Variants in RTN4 observed in about 807,000 individuals in gnomAD.
RTN4 encodes the protein reticulon-4.
RTN4 carries 32 observed loss-of-function variants against 90.4 expected under a neutral mutation model. The ratio of observed to expected loss-of-function variants is 0.35; its 90% CI spans 0.27 to 0.48. RTN4 has a LOEUF of 0.48. RTN4 is among the 20% of genes least tolerant of loss of function. The pLI is 0.99. For synonymous variants in RTN4, 629 were observed against 552.5 expected (o/e 1.14, Z -1.94); for missense variants, 1,706 against 1,430.2 (o/e 1.19, Z -3.11).
intron 1 of RTN4, among the ~76,000 whole-genome samples, chr2:55,048,368 C>T (rs1205667137): frequency 6.6e-6 from 1 of 152,156 alleles, no homozygotes; most frequent in African/African-American, 2.4e-5. Context: ...AATAAATCAA[C>T]CTTAGCTTAC....
At position 55,031,123 on chromosome 2, in the gene RTN4, A is replaced by G. The variant is rs556563037; in HGVS notation, c.557-2903T>C. Among the ~76,000 whole-genome samples the G allele has an allele frequency of 1.3e-3, 201 of 152,344 alleles. 2 individuals carry two copies. In the Middle Eastern group the frequency reaches 0.017, roughly 13 times the overall value. ...TACAAAAAACCTGCATTTTAAAACC[A>G]TAGAACTTCTGCTTCTGGCTATGAG... On this transcript the variant is annotated intron_variant, in intron 1 of 8. Coordinates refer to ENST00000337526, the MANE Select transcript of RTN4 (RefSeq NM_020532.5).
chr2:54,998,820 T>G (rs1440156755), intron 3 of RTN4, among the ~76,000 whole-genome samples: 3 of 152,188 alleles, frequency 2.0e-5, no homozygotes, highest in African/African-American at 7.2e-5. Flanking sequence ...CAGTAATCAC[T>G]TTAGTGGTTC....
At chr2:54,996,117 T>C (rs1019144732) in intron 3 of RTN4, among the ~76,000 whole-genome samples, 3 of 151,994 alleles carry the variant, frequency 2.0e-5, no homozygotes, top group Non-Finnish European at 4.4e-5. Context: ...TGTAATAGCA[T>C]AGAAAAAATA....
In RTN4 at chr2:55,057,674, G is replaced by A. The variant is rs151173173; in HGVS notation, c.-63+22815C>T. ...ATGTGAAGAATGCGTTTGAGAAAGC[G>A]AAAAGAGGATGGGTACTAAGAGTAG... On this transcript the variant is annotated intron_variant, in intron 2 of 3. Transcript: ENST00000427710. Among the ~76,000 whole-genome samples, 173 of 152,264 alleles carry A rather than the reference G, an allele frequency of 1.1e-3. 2 individuals carry two copies. The highest frequency in any genetic ancestry group is 3.7e-3 in the African/African-American group (154 of 41,544).
At chr2:54,985,134 GATA>G (rs1205951248) in intron 4 of RTN4, among the ~76,000 whole-genome samples, 1 of 127,208 alleles carries the variant, frequency 7.9e-6, no homozygotes, top group Admixed American at 8.1e-5. Context: ...TTTGTGGCTT[GATA>G]ATAATATGAC....
At chr2:55,114,857 T>G (rs140568103), upstream of RTN4, among the ~76,000 whole-genome samples, 8 of 152,024 alleles carry the variant, frequency 5.3e-5, no homozygotes, top group Non-Finnish European at 1.2e-4. Context: ...CCACCCCCAT[T>G]CATCTCCCCT....
intron 2 of RTN4, among the ~76,000 whole-genome samples, chr2:55,068,388 T>C (rs896767286): frequency 2.0e-5 from 3 of 152,186 alleles, no homozygotes; most frequent in African/African-American, 7.2e-5. Context: ...CCTTAGATGA[T>C]ATTTTAAAAT....
intron 7 of RTN4, 27 bp downstream of exon 7, chr2:54,973,794 G>C: frequency 6.2e-7 from 1 of 1,604,752 alleles, no homozygotes; most frequent in Non-Finnish European, 8.5e-7. Context: ...GCTCTATTCT[G>C]AAGTCAGCAG....
intron 3 of RTN4, among the ~76,000 whole-genome samples, chr2:54,993,154 A>C (rs1262566020): frequency 6.6e-6 from 1 of 151,386 alleles, no homozygotes; most frequent in Non-Finnish European, 1.5e-5. Flanking sequence ...CAGTGTTTTT[A>C]TCTCTGCATA....
intron 1 of RTN4, among the ~76,000 whole-genome samples, chr2:55,094,248 G>A (rs1440460026): frequency 1.3e-5 from 2 of 152,192 alleles, no homozygotes; most frequent in South Asian, 4.1e-4. Flanking sequence ...GAAGGCAGCT[G>A]TCTGCAAGCC....
At chr2:55,129,937 G>C in the RTN4 span, among the ~76,000 whole-genome samples, 1 of 152,172 alleles carries the variant, frequency 6.6e-6, no homozygotes, top group Non-Finnish European at 1.5e-5. Flanking sequence ...GAAGTTAGGA[G>C]GACAATTAGG....
At chr2:55,055,229 G>C (rs958261504), upstream of RTN4, among the ~76,000 whole-genome samples, 5 of 151,284 alleles carry the variant, frequency 3.3e-5, no homozygotes, top group African/African-American at 9.7e-5. Context: ...AGTTAATTTT[G>C]ATCTACTAGT....
intron 1 of RTN4, among the ~76,000 whole-genome samples, chr2:55,112,150 A>C (rs571800755): frequency 6.6e-6 from 1 of 152,186 alleles, no homozygotes; most frequent in African/African-American, 2.4e-5. Flanking sequence ...GTTCAGGACT[A>C]TATGAGGCCT....
At chr2:55,093,638 C>G (rs1261484889) in intron 1 of RTN4, among the ~76,000 whole-genome samples, 1 of 152,038 alleles carries the variant, frequency 6.6e-6, no homozygotes, top group Non-Finnish European at 1.5e-5. Flanking sequence ...AACACCTCTC[C>G]CTCCACGAGG....
chr2:55,111,518 T>C (rs1382222000), intron 1 of RTN4, among the ~76,000 whole-genome samples: 1 of 152,170 alleles, frequency 6.6e-6, no homozygotes, highest in Non-Finnish European at 1.5e-5. Flanking sequence ...ACCTAGCTAG[T>C]GTTTGTGGGA....
chr2:55,073,428 G>A (rs910679924), intron 2 of RTN4, among the ~76,000 whole-genome samples: 2 of 152,200 alleles, frequency 1.3e-5, no homozygotes, highest in African/African-American at 4.8e-5. Flanking sequence ...AACGGTAGCA[G>A]TAATTCAATT....
At chr2:55,051,256 TGG>T (rs2104989808), upstream of RTN4, among the ~76,000 whole-genome samples, 1 of 152,152 alleles carries the variant, frequency 6.6e-6, no homozygotes, top group South Asian at 2.1e-4. Flanking sequence ...GACTCTTACA[TGG>T]TAAGAGAGTG....
chr2:55,126,423 G>A, the RTN4 span, among the ~76,000 whole-genome samples: 144,080 of 152,206 alleles, frequency 0.95, 68,305 homozygotes, highest in African/African-American at 0.98. Context: ...ATATGGAAAA[G>A]AAAGCTCAAT....
At chr2:55,065,046 GC>G (rs1337396073) in intron 2 of RTN4, among the ~76,000 whole-genome samples, 2 of 152,162 alleles carry the variant, frequency 1.3e-5, no homozygotes, top group Non-Finnish European at 2.9e-5. Context: ...TGGAAAGAAT[GC>G]AAGCAAAATT....
Sources: allele counts gnomAD v4.1 joint callset (sites outside exome capture counted in the v4.1 genomes callset), GRCh38; gene constraint gnomAD v4.1.1; transcripts MANE v1.5; gene names NCBI Gene and HGNC (gene_info 2026-07-23, HGNC 2026-07-21).